MCM9: variants seen among roughly 807,000 people sequenced by gnomAD.
MCM9 encodes the protein minichromosome maintenance 9 homologous recombination repair factor, also known as DNA helicase MCM9.
In MCM9, 55 loss-of-function variants were observed where a neutral mutation model predicts 72.8. The observed-to-expected ratio is 0.76, with a 90% CI of 0.61 to 0.95. MCM9 has a LOEUF of 0.95. Ranked by LOEUF, MCM9 falls within the 40% of genes least tolerant of loss-of-function variation. The probability of loss-of-function intolerance (pLI) is 0.00; values close to 1 mark genes in which losing one functional copy is unlikely to be tolerated. For synonymous variants in MCM9, 480 were observed against 503.4 expected (o/e 0.95, Z 0.62); for missense variants, 1,279 against 1,377.0 (o/e 0.93, Z 1.13).
intron 8 of MCM9, chr6:118,910,716 T>C: frequency 1.0e-6 from 1 of 985,386 alleles, no homozygotes; most frequent in South Asian, 4.7e-5. Flanking sequence ...CCTAGTATCC[T>C]GAAGTTTGTC....
chr6:118,827,922 T>C lies in MCM9; in HGVS notation c.1732+5A>G, dbSNP rs1031130548. 3.4e-5 allele frequency: 52 copies of C among 1,550,782 alleles called. No homozygotes were observed. The highest frequency in any genetic ancestry group is 2.3e-4 in the South Asian group (19 of 84,062). On this transcript the variant is annotated splice_donor_5th_base_variant and intron_variant, in intron 11 of 13. Transcript: ENST00000619706. Reference sequence around the variant, plus strand: ...TACAAGCATCATTCGCTGAATGAAATAGACCTTCTGCTAATCGTATCAAGC... The same window carrying C: ...TACAAGCATCATTCGCTGAATGAAACAGACCTTCTGCTAATCGTATCAAGC...
intron 8 of MCM9, chr6:118,911,358 AT>A: frequency 9.1e-7 from 1 of 1,100,190 alleles, no homozygotes; most frequent in African/African-American, 1.6e-5. Context: ...CTGAGTCTTG[AT>A]AAAATGCCAG....
At chr6:118,896,231 G>A (rs1189577502) in intron 8 of MCM9, among the ~76,000 whole-genome samples, 1 of 151,914 alleles carries the variant, frequency 6.6e-6, no homozygotes, top group Non-Finnish European at 1.5e-5. Context: ...AAGCATTGCA[G>A]CTACCAGGCC....
At chr6:118,882,431 ATAGGCCAGC>A (rs1489519413) in intron 8 of MCM9, among the ~76,000 whole-genome samples, 1 of 152,268 alleles carries the variant, frequency 6.6e-6, no homozygotes, top group Non-Finnish European at 1.5e-5. Flanking sequence ...ATGCTAAACC[ATAGGCCAGC>A]TAGTTTACCA....
intron 9 of MCM9, among the ~76,000 whole-genome samples, chr6:118,841,062 T>C (rs148166721): frequency 2.0e-5 from 3 of 152,304 alleles, no homozygotes; most frequent in African/African-American, 7.2e-5. Context: ...CTCAACTTTT[T>C]AACAAGGTTG....
intron 8 of MCM9, among the ~76,000 whole-genome samples, chr6:118,858,912 AAAAT>A (rs1392985473): frequency 6.6e-6 from 1 of 152,202 alleles, no homozygotes; most frequent in Non-Finnish European, 1.5e-5. Context: ...GATTTTTTAA[AAAAT>A]AAATAAAGTG....
intron 8 of MCM9, among the ~76,000 whole-genome samples, chr6:118,906,350 G>C (rs902931039): frequency 2.6e-5 from 4 of 152,190 alleles, no homozygotes; most frequent in African/African-American, 9.6e-5. Context: ...TGGGATTACA[G>C]GTGTGAGCCA....
intron 11 of MCM9, 64 bp downstream of exon 11, chr6:118,827,863 C>G: frequency 1.4e-6 from 2 of 1,448,232 alleles, no homozygotes; most frequent in Non-Finnish European, 1.9e-6. Context: ...TCCATGGTGC[C>G]AAGCCCCATG....
intron 8 of MCM9, among the ~76,000 whole-genome samples, chr6:118,909,863 TCC>T (rs1780413762): frequency 1.3e-5 from 2 of 152,200 alleles, no homozygotes; most frequent in Non-Finnish European, 2.9e-5. Flanking sequence ...ACGCCTGTAA[TCC>T]CAGCACTTGG....
intron 8 of MCM9, among the ~76,000 whole-genome samples, chr6:118,867,162 T>C (rs538258274): frequency 6.6e-6 from 1 of 152,118 alleles, no homozygotes; most frequent in Admixed American, 6.5e-5. Flanking sequence ...TAGACCTCTT[T>C]TACAAAAAAA....
At chr6:118,892,862 T>C (rs150022000) in intron 8 of MCM9, among the ~76,000 whole-genome samples, 22 of 152,354 alleles carry the variant, frequency 1.4e-4, no homozygotes, top group African/African-American at 5.3e-4. Context: ...TGTCTCACAT[T>C]AACTTTCAAA....
At chr6:118,896,773 T>C (rs1212486776) in intron 8 of MCM9, among the ~76,000 whole-genome samples, 1 of 152,238 alleles carries the variant, frequency 6.6e-6, no homozygotes, top group African/African-American at 2.4e-5. Context: ...AGGCTTCTAA[T>C]AGGTTCCATA....
At chr6:118,837,085 T>C (rs936476270) in intron 9 of MCM9, among the ~76,000 whole-genome samples, 1 of 152,232 alleles carries the variant, frequency 6.6e-6, no homozygotes, top group African/African-American at 2.4e-5. Flanking sequence ...TTTGTTCTCA[T>C]TGGTTTCAAA....
intron 1 of MCM9, among the ~76,000 whole-genome samples, chr6:118,933,964 C>CAAAAAAAAAAAAAA (rs58109173): frequency 3.0e-5 from 3 of 100,304 alleles, no homozygotes; most frequent in Admixed American, 1.2e-4. Flanking sequence ...GGACTTTGCC[C>CAAAAAAAAAAAAAA]AAAAAAAAAA....
intron 9 of MCM9, among the ~76,000 whole-genome samples, chr6:118,832,893 T>C (rs189186247): frequency 3.0e-4 from 45 of 152,352 alleles, no homozygotes; most frequent in Non-Finnish European, 5.9e-4. Context: ...CACCTAACCT[T>C]GTTTTCTTTC....
intron 8 of MCM9, among the ~76,000 whole-genome samples, chr6:118,906,316 G>A (rs1780174671): frequency 6.6e-6 from 1 of 152,016 alleles, no homozygotes; most frequent in South Asian, 2.1e-4. Flanking sequence ...CAAGTGATCT[G>A]CCTACCTTGA....
In MCM9 at chr6:118,913,374, C is replaced by T; in HGVS notation, c.951G>A (p.Met317Ile). 6.2e-7 allele frequency: 1 copy of T among 1,614,106 alleles called. No homozygotes were observed. Among genetic ancestry groups the T allele is most frequent in the Non-Finnish European group, 8.5e-7 (1 of 1,179,962 alleles). Residue 317 changes from methionine (M) to isoleucine (I), a missense_variant, in exon 7 of 14, where the codon ATG becomes ATA. Physicochemically the swap from Met to Ile is conservative, Grantham distance 10. Transcript: ENST00000619706. ...TGGCCACAGCAAGCTTTACTAGATACATTCCAAACACTTGAGGGCACAAGC... is the reference window on the plus strand; with the variant it reads ...TGGCCACAGCAAGCTTTACTAGATATATTCCAAACACTTGAGGGCACAAGC... ...LASLCPQVFG[M>I]YLVKLAVAMV...
chr6:118,926,939 T>C (rs1246187640), intron 3 of MCM9, among the ~76,000 whole-genome samples: 2 of 152,144 alleles, frequency 1.3e-5, no homozygotes, highest in Admixed American at 6.5e-5. Flanking sequence ...TTAACCCAAT[T>C]TGCTTCTCGA....
At chr6:118,852,030 C>T (rs538371624) in intron 9 of MCM9, among the ~76,000 whole-genome samples, 1 of 152,298 alleles carries the variant, frequency 6.6e-6, no homozygotes, top group South Asian at 2.1e-4. Context: ...TGTACTTAGA[C>T]AAACCTGGAG....
Sources: allele counts gnomAD v4.1 joint callset (sites outside exome capture counted in the v4.1 genomes callset), GRCh38; gene constraint gnomAD v4.1.1; transcripts MANE v1.5; gene names NCBI Gene and HGNC (gene_info 2026-07-23, HGNC 2026-07-21).